Variants in MDM4 observed in about 807,000 individuals in gnomAD.
MDM4 encodes MDM4 regulator of p53, also known as protein Mdm4.
In MDM4, 2 loss-of-function variants were observed where a neutral mutation model predicts 60.2. That is an observed-to-expected ratio of 0.03 (90% CI 0.01 to 0.10). The LOEUF is 0.10. Among genes scored for constraint, MDM4 ranks in the 10% least tolerant of loss-of-function variants. The pLI, the probability that MDM4 is intolerant of heterozygous loss-of-function variation, is 1.00. For missense variants in MDM4, 447 were observed against 577.5 expected (o/e 0.77, Z 2.32); for synonymous variants, 202 against 198.1 (o/e 1.02, Z -0.17).
rs4252699 is a variant in MDM4, at chr1:204,532,709, G to A, written c.343+463G>A. ...TGCCTTTGGTTGATATGTCTCATAA[G>A]TGTCTTTAATCTATAAAACTTAACT... On this transcript the variant is annotated intron_variant, in intron 5 of 10. Coordinates refer to ENST00000367182, the MANE Select transcript of MDM4 (RefSeq NM_002393.5). 444 of 1,567,300 alleles carry A rather than the reference G, an allele frequency of 2.8e-4. 1 individual carries two copies. The African/African-American group carries it at 5.7e-3, about 20-fold the overall frequency.
intron 1 of MDM4, among the ~76,000 whole-genome samples, chr1:204,521,481 T>G (rs891491870): frequency 2.6e-5 from 4 of 152,104 alleles, no homozygotes; most frequent in Non-Finnish European, 2.9e-5. Context: ...GGCTGGAAGA[T>G]GTGTGGTGCT....
rs1332210620 is a variant in MDM4, at chr1:204,531,407, T to G, written c.287+590T>G. ...ATCACAGTAGGGCTAACCTGACCTG[T>G]TACTTTTCTCCAGCTGCATGGGGTG... On this transcript the variant is annotated intron_variant, in intron 4 of 10. Transcript: ENST00000367182. 2.6e-5 allele frequency among the ~76,000 whole-genome samples: 4 copies of G among 152,196 alleles called. No individual in the cohort carries two copies. The East Asian group carries it at 7.7e-4, about 29-fold the overall frequency.
chr1:204,549,679 A>C lies in MDM4; in HGVS notation c.1470A>C (p.Ala490=). ...AGCTGGTTATTAAGGTTTTTATAGCATAATGGTAGTACGAACATAAAAATG... is the reference window on the plus strand; with the variant it reads ...AGCTGGTTATTAAGGTTTTTATAGCCTAATGGTAGTACGAACATAAAAATG... ...EIQLVIKVFI[A] Residue 490 remains alanine (A), a synonymous_variant, in exon 11 of 11, where the codon GCA becomes GCC. Coordinates refer to ENST00000367182, the MANE Select transcript of MDM4 (RefSeq NM_002393.5). 1 of 1,504,522 alleles carries C rather than the reference A, an allele frequency of 6.6e-7. No individual in the cohort carries two copies. The highest frequency in any genetic ancestry group is 1.8e-4 in the Middle Eastern group (1 of 5,674). 93.2% of individuals were successfully genotyped at this position (1,504,522 alleles called of 1,614,324 possible). A position where few individuals can be genotyped will look rare whatever the true frequency, so the allele number is the denominator to read the frequency against.
chr1:204,536,956 C>A, intron 5 of MDM4: 1 of 392,866 alleles, frequency 2.5e-6, no homozygotes, highest in Non-Finnish European at 4.9e-6. Flanking sequence ...TTTTATGAAG[C>A]AAACGGGGAA....
At chr1:204,518,158 A>G (rs1204462046) in intron 1 of MDM4, among the ~76,000 whole-genome samples, 1 of 152,154 alleles carries the variant, frequency 6.6e-6, no homozygotes, top group Non-Finnish European at 1.5e-5. Context: ...CCTGTCTCAA[A>G]AAAAGAGATG....
intron 6 of MDM4, chr1:204,537,977 G>A (rs1218169186): frequency 2.7e-6 from 2 of 742,808 alleles, no homozygotes; most frequent in Non-Finnish European, 5.1e-6. Flanking sequence ...AGTAGATTTT[G>A]GCCTTTGTGC....
At chr1:204,542,126 A>G (rs979977536) in intron 7 of MDM4, among the ~76,000 whole-genome samples, 2 of 152,204 alleles carry the variant, frequency 1.3e-5, no homozygotes, top group African/African-American at 4.8e-5. Flanking sequence ...ATGTCTAGAT[A>G]CTTAACTCTA....
Position 204,549,554 on chromosome 1 carries a change from A to G in MDM4, c.1345A>G (p.Ile449Val). 6.2e-7 allele frequency: 1 copy of G among 1,613,824 alleles called. No individual in the cohort carries two copies. Among genetic ancestry groups the G allele is most frequent in the East Asian group, 2.2e-5 (1 of 44,884 alleles). ...TGAGAAAAGACCACGAGACGGGAAC[A>G]TTATTCATGGAAGGACGGGCCATCT... ...LCEKRPRDGN[I>V]IHGRTGHLVT... Residue 449 changes from isoleucine to valine, a missense_variant, in exon 11 of 11, where the codon ATT becomes GTT. Coordinates refer to ENST00000367182, the MANE Select transcript of MDM4 (RefSeq NM_002393.5).
At chr1:204,519,887 A>G (rs1659385524) in intron 1 of MDM4, among the ~76,000 whole-genome samples, 1 of 152,188 alleles carries the variant, frequency 6.6e-6, no homozygotes, top group Non-Finnish European at 1.5e-5. Flanking sequence ...AAATAACAGA[A>G]CGGATACAAC....
At chr1:204,535,280 C>T (rs958895351) in intron 5 of MDM4, among the ~76,000 whole-genome samples, 1 of 151,430 alleles carries the variant, frequency 6.6e-6, no homozygotes, top group Non-Finnish European at 1.5e-5. Context: ...GCCTCAGCCT[C>T]CTGAGTAGCT....
At chr1:204,532,772 T>C (rs978805477) in intron 5 of MDM4, 2 of 1,610,180 alleles carry the variant, frequency 1.2e-6, no homozygotes, top group Middle Eastern at 1.6e-4. Flanking sequence ...GTTGAAGAAA[T>C]GGGTCATTTG....
At chr1:204,544,986 C>T (rs1278220826) in intron 9 of MDM4, among the ~76,000 whole-genome samples, 1 of 152,202 alleles carries the variant, frequency 6.6e-6, no homozygotes, top group Non-Finnish European at 1.5e-5. Flanking sequence ...AACCCACAGC[C>T]TGTGGACCAC....
At position 204,554,406 on chromosome 1, in the gene MDM4, G is replaced by A; in HGVS notation, c.*4724G>A. On this transcript the variant is annotated 3_prime_UTR_variant, in exon 11 of 11. Transcript: ENST00000367182. ...TTCTCCCAGTCATGAGTGTGCATGT[G>A]TGCAAGCATGTTTTGATCCTGATGC... 4.4e-6 allele frequency: 1 copy of A among 226,344 alleles called. No homozygotes were observed. The highest frequency in any genetic ancestry group is 8.8e-6 in the Non-Finnish European group (1 of 113,854). 14.0% of individuals were successfully genotyped at this position (226,344 alleles called of 1,614,324 possible). A position where few individuals can be genotyped will look rare whatever the true frequency, so the allele number is the denominator to read the frequency against.
chr1:204,529,080 A>G (rs1660568156), intron 3 of MDM4: 1 of 1,416,588 alleles, frequency 7.1e-7, no homozygotes. Flanking sequence ...AGCTTGCTGC[A>G]GCTCTGTGTA....
intron 1 of MDM4, among the ~76,000 whole-genome samples, chr1:204,521,342 A>G (rs12041243): frequency 0.16 from 24,815 of 152,124 alleles, 2,432 homozygotes; most frequent in East Asian, 0.38. Context: ...GTGGTTTGTC[A>G]TGCAGCTGTT....
chr1:204,529,502 A>G, intron 3 of MDM4: 6 of 1,518,590 alleles, frequency 4.0e-6, no homozygotes, highest in East Asian at 2.4e-5. Flanking sequence ...TGAGGTGTCC[A>G]TAGGGCCCTC....
At chr1:204,537,567 A>G (rs895319905) in intron 6 of MDM4, 70 bp downstream of exon 6, 3 of 1,065,250 alleles carry the variant, frequency 2.8e-6, no homozygotes, top group African/African-American at 3.1e-5. Context: ...TGGATCTTGG[A>G]CTCCCAAGAC....
Position 204,555,591 on chromosome 1 carries a change from GC to G in MDM4, c.*5910del. The G allele has an allele frequency of 5.8e-6, 1 of 172,910 alleles. No homozygotes were observed. 10.7% of individuals were successfully genotyped at this position (172,910 alleles called of 1,614,324 possible). ...ATCGAAGATTGATATTAGGCTAGGGGCGGTGGCTTACGCCTGTAATCCCAGC... is the reference window on the plus strand; with the variant it reads ...ATCGAAGATTGATATTAGGCTAGGGGGGTGGCTTACGCCTGTAATCCCAGC... On this transcript the variant is annotated 3_prime_UTR_variant, in exon 11 of 11. Coordinates refer to ENST00000367182, the MANE Select transcript of MDM4 (RefSeq NM_002393.5).
intron 3 of MDM4, chr1:204,529,462 C>T (rs1466859708): frequency 1.3e-6 from 2 of 1,528,216 alleles, no homozygotes; most frequent in African/African-American, 2.7e-5. Flanking sequence ...TTTGGTCCTC[C>T]TGGAGTTCCA....
Sources: gnomAD v4.1 joint callset for allele counts (sites outside exome capture counted in the v4.1 genomes callset) on GRCh38, gnomAD v4.1.1 for gene constraint, MANE v1.5 for transcripts, NCBI Gene and HGNC (gene_info 2026-07-23, HGNC 2026-07-21) for gene names.